The following ANO10 variants were observed in gnomAD, a reference collection of about 807,000 sequenced individuals.
The protein encoded by ANO10 is anoctamin-10.
In ANO10, 77 loss-of-function variants were observed where a neutral mutation model predicts 74.7. The observed-to-expected ratio is 1.03, with a 90% confidence interval of 0.86 to 1.25. The LOEUF is 1.25. Among genes scored for constraint, ANO10 ranks in the 50% most tolerant of loss-of-function variants. The pLI is 0.00. For synonymous variants in ANO10, 279 were observed against 284.9 expected (o/e 0.98, Z 0.21); for missense variants, 721 against 778.1 (o/e 0.93, Z 0.87).
chr3:43,586,556 G>C (rs980934501), intron 4 of ANO10, among the ~76,000 whole-genome samples: 2 of 151,944 alleles, frequency 1.3e-5, no homozygotes, highest in Non-Finnish European at 2.9e-5. Context: ...TAAAAAATAA[G>C]TAATAATCAC....
At chr3:43,689,279 T>C (rs2084319191) in intron 1 of ANO10, 1 of 152,182 alleles carries the variant, frequency 6.6e-6, no homozygotes, top group Non-Finnish European at 1.5e-5. Flanking sequence ...AAAACAACCT[T>C]AGTCTGGGAG....
chr3:43,584,446 AC>A (rs879300807), intron 4 of ANO10, among the ~76,000 whole-genome samples: 1 of 152,154 alleles, frequency 6.6e-6, no homozygotes, highest in Non-Finnish European at 1.5e-5. Context: ...TAGGCTGCTG[AC>A]CCTGAAGGGA....
At position 43,567,343 on chromosome 3, in the gene ANO10, ATAC is replaced by A. The variant is rs1162516484; in HGVS notation, c.1219-1619_1219-1617del. ...AGGAAATACAGAGAACGCCACAAAGATACTCCTCGAGAAGAGCAACTCCAAGAC... is the reference window on the plus strand; with the variant it reads ...AGGAAATACAGAGAACGCCACAAAGATCCTCGAGAAGAGCAACTCCAAGAC... On this transcript the variant is annotated intron_variant, in intron 7 of 12. Transcript: ENST00000292246. 2.0e-5 allele frequency among the ~76,000 whole-genome samples: 3 copies of A among 151,996 alleles called. No homozygotes were observed. The East Asian group carries it at 5.8e-4, about 29-fold the overall frequency.
At chr3:43,556,284 C>T (rs1559694509) in intron 9 of ANO10, among the ~76,000 whole-genome samples, 1 of 152,190 alleles carries the variant, frequency 6.6e-6, no homozygotes, top group African/African-American at 2.4e-5. Context: ...TTCAAAATTG[C>T]ACTGTTTCAG....
At chr3:43,562,834 A>G (rs1363398314) in intron 8 of ANO10, among the ~76,000 whole-genome samples, 1 of 152,214 alleles carries the variant, frequency 6.6e-6, no homozygotes, top group Non-Finnish European at 1.5e-5. Flanking sequence ...AGATCTAAAC[A>G]TAAGACCCAA....
chr3:43,398,361 T>G (rs1274121318), intron 12 of ANO10, among the ~76,000 whole-genome samples: 1 of 152,258 alleles, frequency 6.6e-6, no homozygotes, highest in African/African-American at 2.4e-5. Context: ...AATGTAAAGT[T>G]TTGATAAATT....
chr3:43,504,303 G>GGT lies in ANO10; in HGVS notation c.1797+45416_1797+45417insAC, dbSNP rs1553692115. ...AGATAGGTAGGTAGGTAGGTAGGTA[G>GGT]ATAGATAGATAGATAGATAGATAGA... On this transcript the variant is annotated intron_variant, in intron 11 of 12. Transcript: ENST00000292246. 1.0e-3 allele frequency among the ~76,000 whole-genome samples: 120 copies of GGT among 115,720 alleles called. 1 individual carries two copies. The highest frequency in any genetic ancestry group is 2.6e-3 in the East Asian group (11 of 4,194). 75.9% of individuals were successfully genotyped at this position (115,720 alleles called of 152,430 possible).
chr3:43,450,350 G>A (rs1205366420), intron 11 of ANO10, among the ~76,000 whole-genome samples: 2 of 152,058 alleles, frequency 1.3e-5, no homozygotes, highest in African/African-American at 4.8e-5. Context: ...AGACCAGCCT[G>A]GGCAACATAG....
chr3:43,377,915 G>T (rs1049016130), intron 12 of ANO10, among the ~76,000 whole-genome samples: 3 of 152,200 alleles, frequency 2.0e-5, no homozygotes, highest in Non-Finnish European at 4.4e-5. Context: ...CCCTGAACTG[G>T]GGTGGCACAG....
chr3:43,503,964 T>C (rs749905593), intron 11 of ANO10, among the ~76,000 whole-genome samples: 2 of 152,114 alleles, frequency 1.3e-5, no homozygotes, highest in Admixed American at 6.6e-5. Context: ...CACCTTGTTA[T>C]ATAAAGTGTT....
At chr3:43,653,267 G>A (rs2083809361) in intron 1 of ANO10, among the ~76,000 whole-genome samples, 1 of 152,086 alleles carries the variant, frequency 6.6e-6, no homozygotes, top group Admixed American at 6.6e-5. Flanking sequence ...TAAAGGACAT[G>A]AACAGACAAT....
chr3:43,632,335 A>G (rs767551093), intron 1 of ANO10, among the ~76,000 whole-genome samples: 4 of 152,104 alleles, frequency 2.6e-5, no homozygotes, highest in Non-Finnish European at 5.9e-5. Context: ...GAGACTAGAG[A>G]GAGGTAAGAG....
intron 11 of ANO10, among the ~76,000 whole-genome samples, chr3:43,527,540 A>G (rs909311253): frequency 1.3e-5 from 2 of 152,136 alleles, no homozygotes; most frequent in African/African-American, 4.8e-5. Flanking sequence ...CTCCATATAT[A>G]CTCAAAACCA....
intron 12 of ANO10, among the ~76,000 whole-genome samples, chr3:43,431,954 T>C (rs1575778201): frequency 6.6e-6 from 1 of 152,094 alleles, no homozygotes; most frequent in South Asian, 2.1e-4. Context: ...TGCCCAGAGC[T>C]TGTCCCCTCA....
intron 1 of ANO10, among the ~76,000 whole-genome samples, chr3:43,653,927 GTT>G (rs5848668): frequency 0.13 from 19,203 of 145,100 alleles, 2,614 homozygotes; most frequent in African/African-American, 0.35. Context: ...GTTTGCTGGG[GTT>G]TTTTTTTTTT....
intron 12 of ANO10, among the ~76,000 whole-genome samples, chr3:43,409,821 T>C (rs2092635865): frequency 6.6e-6 from 1 of 152,226 alleles, no homozygotes; most frequent in African/African-American, 2.4e-5. Flanking sequence ...TAACAAAATA[T>C]AGTGTAAAGA....
intron 11 of ANO10, among the ~76,000 whole-genome samples, chr3:43,444,720 C>T (rs555180093): frequency 6.6e-6 from 1 of 152,286 alleles, no homozygotes; most frequent in Non-Finnish European, 1.5e-5. Flanking sequence ...AATCGACCTC[C>T]TGTGGTCACC....
chr3:43,436,859 C>T (rs2093075887), intron 11 of ANO10, among the ~76,000 whole-genome samples: 1 of 152,166 alleles, frequency 6.6e-6, no homozygotes. Flanking sequence ...AACCCTGTCT[C>T]TAATGAAACA....
chr3:43,622,400 A>G (rs1299445945), upstream of ANO10, among the ~76,000 whole-genome samples: 1 of 152,054 alleles, frequency 6.6e-6, no homozygotes, highest in Admixed American at 6.5e-5. Flanking sequence ...TGGGCTCTCC[A>G]ACCGCGAGCG....
Sources: gnomAD v4.1 joint callset for allele counts (sites outside exome capture counted in the v4.1 genomes callset) on GRCh38, gnomAD v4.1.1 for gene constraint, MANE v1.5 for transcripts, NCBI Gene and HGNC (gene_info 2026-07-23, HGNC 2026-07-21) for gene names.